Variants in EXOC4 observed in about 807,000 individuals in gnomAD.
EXOC4 encodes the protein SEC8-like 1.
In EXOC4, 71 loss-of-function variants were observed where a neutral mutation model predicts 107.2. The ratio of observed to expected loss-of-function variants is 0.66; its 90% CI spans 0.55 to 0.81. The LOEUF is 0.81. Among genes scored for constraint, EXOC4 ranks in the 30% least tolerant of loss-of-function variants. EXOC4 has a pLI of 0.00. For synonymous variants in EXOC4, 456 were observed against 441.2 expected, an observed-to-expected ratio of 1.03 and a Z score of -0.42; for missense variants, 1,108 against 1,189.6, an observed-to-expected ratio of 0.93 and a Z score of 1.01.
intron 11 of EXOC4, among the ~76,000 whole-genome samples, chr7:133,872,137 G>C (rs1273565577): frequency 6.6e-6 from 1 of 152,032 alleles, no homozygotes; most frequent in Non-Finnish European, 1.5e-5. Flanking sequence ...TGGGGATCAG[G>C]AAGGGAGACA....
At chr7:133,273,525 C>T (rs1007012017) in intron 1 of EXOC4, among the ~76,000 whole-genome samples, 1 of 152,146 alleles carries the variant, frequency 6.6e-6, no homozygotes, top group Non-Finnish European at 1.5e-5. Flanking sequence ...GCCTTTGTTC[C>T]TGCCATCCCC....
intron 14 of EXOC4, among the ~76,000 whole-genome samples, chr7:133,948,380 G>A (rs10230628): frequency 0.31 from 47,176 of 152,002 alleles, 7,755 homozygotes; most frequent in Non-Finnish European, 0.36. Context: ...GAGGGAGACA[G>A]ATCCTGACAG....
chr7:134,064,455 G>A lies in EXOC4; in HGVS notation c.2852G>A (p.Arg951Lys). 6.2e-7 allele frequency: 1 copy of A among 1,608,448 alleles called. No individual in the cohort carries two copies. Among genetic ancestry groups the A allele is most frequent in the Non-Finnish European group, 8.5e-7 (1 of 1,177,148 alleles). The change falls in exon 18 of 18, where the codon AGG (arginine) becomes AAG (lysine). Residue 951 changes from arginine to lysine, a missense_variant. Coordinates refer to ENST00000253861, the MANE Select transcript of EXOC4 (RefSeq NM_021807.4). Reference sequence around the variant, plus strand: ...ACCACCCAGAACACGAGGCTGCAGAGGCTCAAAGAGATCATCTGCGAGCAG... The same window carrying A: ...ACCACCCAGAACACGAGGCTGCAGAAGCTCAAAGAGATCATCTGCGAGCAG... ...ELTTQNTRLQ[R>K]LKEIICEQAA...
chr7:133,460,326 A>T (rs544524840), intron 7 of EXOC4, among the ~76,000 whole-genome samples: 2 of 152,162 alleles, frequency 1.3e-5, no homozygotes, highest in African/African-American at 4.8e-5. Flanking sequence ...CCTGGTTCCT[A>T]ACAGGCCATG....
chr7:133,912,797 C>T (rs929856341), intron 12 of EXOC4, among the ~76,000 whole-genome samples: 4 of 152,138 alleles, frequency 2.6e-5, no homozygotes, highest in East Asian at 1.9e-4. Context: ...CGTTGGCAAA[C>T]GCAAAGGTTG....
chr7:133,440,868 A>G (rs1270320547), intron 7 of EXOC4, among the ~76,000 whole-genome samples: 1 of 152,240 alleles, frequency 6.6e-6, no homozygotes, highest in African/African-American at 2.4e-5. Context: ...GGTAGCTATC[A>G]GCCCTTGGGG....
chr7:133,284,126 A>G (rs1192278816), intron 2 of EXOC4, among the ~76,000 whole-genome samples: 2 of 152,158 alleles, frequency 1.3e-5, no homozygotes, highest in Non-Finnish European at 2.9e-5. Context: ...CACAAATTCT[A>G]TTTCGCTTTT....
the EXOC4 span, among the ~76,000 whole-genome samples, chr7:134,071,845 C>A: frequency 0.12 from 18,566 of 152,150 alleles, 1,462 homozygotes; most frequent in Admixed American, 0.26. Context: ...TTGAGCCAAA[C>A]CCCCTTGTCT....
At chr7:133,918,407 G>A (rs1799859941) in intron 13 of EXOC4, among the ~76,000 whole-genome samples, 1 of 152,172 alleles carries the variant, frequency 6.6e-6, no homozygotes, top group Non-Finnish European at 1.5e-5. Flanking sequence ...ATGAGAGTAA[G>A]ATAAATTTCT....
rs1796673248 is a variant in EXOC4 at position 133,790,128 on chromosome 7, C to T, written c.1515-27197C>T. Among the ~76,000 whole-genome samples, 3 of 152,200 alleles carry T rather than the reference C, an allele frequency of 2.0e-5. No homozygotes were observed. The South Asian group carries it at 6.2e-4, about 32-fold the overall frequency. The stretch of plus-strand genomic sequence containing the variant: ...ATCTTCCCAGCAGAAATAAGTCAGC[C>T]TCCTTCACAGTATGCAATATGGTCA... On this transcript the variant is annotated intron_variant, in intron 10 of 17. Transcript: ENST00000253861.
chr7:133,419,163 A>G (rs1279689418), intron 7 of EXOC4, among the ~76,000 whole-genome samples: 1 of 152,174 alleles, frequency 6.6e-6, no homozygotes, highest in Non-Finnish European at 1.5e-5. Flanking sequence ...TTTCAAGAAA[A>G]TAACAAGGTG....
At chr7:134,053,224 C>G (rs1585355780) in intron 17 of EXOC4, among the ~76,000 whole-genome samples, 2 of 143,644 alleles carry the variant, frequency 1.4e-5, no homozygotes, top group Admixed American at 1.4e-4. Flanking sequence ...GACGACAGAG[C>G]GAAACTCCAT....
intron 5 of EXOC4, among the ~76,000 whole-genome samples, chr7:133,318,157 C>T (rs759796484): frequency 6.6e-6 from 1 of 152,204 alleles, no homozygotes; most frequent in African/African-American, 2.4e-5. Context: ...CATGCATCCA[C>T]GTGTGCACTC....
chr7:133,515,295 C>T (rs1799850840), intron 9 of EXOC4, among the ~76,000 whole-genome samples: 2 of 151,606 alleles, frequency 1.3e-5, no homozygotes, highest in South Asian at 4.2e-4. Flanking sequence ...TATCTTCCAA[C>T]CATGGAGATT....
At chr7:133,647,209 A>G (rs1425392910) in intron 10 of EXOC4, among the ~76,000 whole-genome samples, 1 of 152,202 alleles carries the variant, frequency 6.6e-6, no homozygotes, top group African/African-American at 2.4e-5. Flanking sequence ...CATATACAAG[A>G]AAGTAAAAGT....
chr7:134,013,437 G>A (rs1794819987), intron 17 of EXOC4, among the ~76,000 whole-genome samples: 1 of 152,164 alleles, frequency 6.6e-6, no homozygotes, highest in Admixed American at 6.5e-5. Context: ...GAGCCTAGGA[G>A]ACATGATGAC....
chr7:133,369,800 CT>C (rs35258276), intron 6 of EXOC4, among the ~76,000 whole-genome samples: 594 of 86,648 alleles, frequency 6.9e-3, no homozygotes, highest in African/African-American at 0.022. Flanking sequence ...ACTAGATTTC[CT>C]TTTTTTTTTT....
intron 11 of EXOC4, among the ~76,000 whole-genome samples, chr7:133,821,417 G>C (rs1419896698): frequency 6.6e-6 from 1 of 152,184 alleles, no homozygotes; most frequent in Non-Finnish European, 1.5e-5. Flanking sequence ...GATTATGCTT[G>C]TCTGCAAGCT....
intron 10 of EXOC4, among the ~76,000 whole-genome samples, chr7:133,697,720 T>C (rs1268062971): frequency 6.6e-6 from 1 of 152,172 alleles, no homozygotes; most frequent in South Asian, 2.1e-4. Context: ...GAGCATGTGG[T>C]GCAGGATTGG....
Sources: allele counts gnomAD v4.1 joint callset (sites outside exome capture counted in the v4.1 genomes callset), GRCh38; gene constraint gnomAD v4.1.1; transcripts MANE v1.5; gene names NCBI Gene and HGNC (gene_info 2026-07-23, HGNC 2026-07-21).